Variants in PHF21A observed in about 807,000 individuals in gnomAD.
The protein encoded by PHF21A is PHD finger protein 21A, also known as BHC80a.
Under a neutral mutation model 82.5 loss-of-function variants are expected in PHF21A, and 11 were observed. That is an observed-to-expected ratio of 0.13 (90% confidence interval 0.08 to 0.22). PHF21A has a LOEUF of 0.22. Ranked by LOEUF, PHF21A falls within the 10% of genes least tolerant of loss-of-function variation. The pLI is 1.00. For synonymous variants in PHF21A, 297 were observed against 302.8 expected (o/e 0.98, Z 0.20); for missense variants, 579 against 837.8 (o/e 0.69, Z 3.81).
chr11:45,973,592 G>A (rs74893293), intron 7 of PHF21A, among the ~76,000 whole-genome samples: 234 of 152,238 alleles, frequency 1.5e-3, no homozygotes, highest in African/African-American at 5.3e-3. Flanking sequence ...ACCTATCTTC[G>A]ATCAGTGATG....
intron 6 of PHF21A, among the ~76,000 whole-genome samples, chr11:46,004,822 C>G (rs965884788): frequency 2.6e-5 from 4 of 151,980 alleles, no homozygotes; most frequent in Non-Finnish European, 4.4e-5. Context: ...CTGAAAATAC[C>G]ATCTCTCCCT....
intron 18 of PHF21A, chr11:45,934,901 T>C (rs148023680): frequency 2.7e-5 from 10 of 369,430 alleles, no homozygotes; most frequent in African/African-American, 1.7e-4. Context: ...CATGGGTAGG[T>C]ATGGTGAGGA....
chr11:45,955,615 TGG>T (rs1303121035), intron 10 of PHF21A, among the ~76,000 whole-genome samples: 1 of 152,230 alleles, frequency 6.6e-6, no homozygotes, highest in Non-Finnish European at 1.5e-5. Flanking sequence ...AAATTACCCA[TGG>T]TTCAAATTTC....
chr11:46,026,445 G>C (rs1023354994), intron 6 of PHF21A, among the ~76,000 whole-genome samples: 1 of 152,030 alleles, frequency 6.6e-6, no homozygotes, highest in African/African-American at 2.4e-5. Flanking sequence ...AGGTGTCAAG[G>C]TTATTTTTAT....
At chr11:46,032,718 C>T (rs2095892309) in intron 6 of PHF21A, among the ~76,000 whole-genome samples, 2 of 152,122 alleles carry the variant, frequency 1.3e-5, no homozygotes, top group African/African-American at 4.8e-5. Context: ...TACAAGTACA[C>T]AGACTTGATA....
At position 45,932,435 on chromosome 11, in the gene PHF21A, G is replaced by A. The variant is rs1243496061; in HGVS notation, c.*1533C>T. 1 of 152,222 alleles carries A rather than the reference G, an allele frequency of 6.6e-6. No homozygotes were observed. The highest frequency in any genetic ancestry group is 1.9e-4 in the East Asian group (1 of 5,192). The allele number at this position is 152,222 out of a possible 1,614,324, so 9.4% of individuals were successfully genotyped here. A position where few individuals can be genotyped will look rare whatever the true frequency, so the allele number is the denominator to read the frequency against. ...GAGAGCACGGTCTTTTCTGAGGAGA[G>A]AGAAGGGTGGGGAGCTCCGCCTCTG... On this transcript the variant is annotated 3_prime_UTR_variant, in exon 19 of 19. Transcript: ENST00000676320. The surrounding 1 kb of genome is among the most constrained non-coding windows in gnomAD (Gnocchi z 4.3).
intron 6 of PHF21A, among the ~76,000 whole-genome samples, chr11:46,044,516 G>C (rs1416063128): frequency 6.6e-6 from 1 of 151,250 alleles, no homozygotes; most frequent in African/African-American, 2.4e-5. Context: ...GTAACAACCT[G>C]TGTAACCTTC....
intron 18 of PHF21A, 86 bp downstream of exon 18, chr11:45,935,550 G>A (rs764398471): frequency 2.9e-5 from 23 of 799,980 alleles, no homozygotes; most frequent in Non-Finnish European, 4.9e-5. Flanking sequence ...AAACAGCCTG[G>A]GGCCCACACG....
intron 6 of PHF21A, among the ~76,000 whole-genome samples, chr11:46,011,117 G>C (rs1177668659): frequency 6.6e-6 from 1 of 152,132 alleles, no homozygotes; most frequent in Admixed American, 6.6e-5. Flanking sequence ...ACTAGATCGT[G>C]AACTCCTTGA....
At chr11:45,935,302 C>T (rs117278384) in intron 18 of PHF21A, 32,571 of 1,272,526 alleles carry the variant, frequency 0.026, 496 homozygotes, top group South Asian at 0.032. Context: ...TCAGGTGAGG[C>T]GCTACACTCC....
At chr11:45,996,751 A>G (rs1463606626) in intron 6 of PHF21A, among the ~76,000 whole-genome samples, 1 of 152,264 alleles carries the variant, frequency 6.6e-6, no homozygotes, top group East Asian at 1.9e-4. Flanking sequence ...AGCTATATTT[A>G]TAACTCTGCC....
chr11:46,108,898 C>G (rs1292445168), intron 1 of PHF21A, among the ~76,000 whole-genome samples: 1 of 152,178 alleles, frequency 6.6e-6, no homozygotes, highest in Admixed American at 6.5e-5. Context: ...CCCCATGCTA[C>G]GCACTATGCT....
intron 1 of PHF21A, among the ~76,000 whole-genome samples, chr11:46,110,580 C>G (rs2097200586): frequency 6.6e-6 from 1 of 152,116 alleles, no homozygotes; most frequent in Non-Finnish European, 1.5e-5. Context: ...CCATTAACAC[C>G]AGGGACTATT....
chr11:45,934,092 A>C lies in PHF21A; in HGVS notation c.1922T>G (p.Val641Gly). 3.1e-6 allele frequency: 5 copies of C among 1,614,106 alleles called. No homozygotes were observed. The highest frequency in any genetic ancestry group is 4.2e-6 in the Non-Finnish European group (5 of 1,179,992). Residue 641 changes from valine to glycine, a missense_variant, in exon 19 of 19, where the codon GTG (valine) becomes GGG (glycine). Physicochemically the swap from Val to Gly is moderately radical, Grantham distance 109. Around this residue, in one of 3 missense-constraint regions of PHF21A, gnomAD observed 157 missense variants for 149.4 expected, o/e 1.05. Coordinates refer to ENST00000676320, the MANE Select transcript of PHF21A (RefSeq NM_001352027.3). ...LSKPVDSEATVGAISNGPDCT... is the reference protein window; with the variant it reads ...LSKPVDSEATGGAISNGPDCT... ...GTCCGGGCCATTGGAGATGGCCCCC[A>C]CAGTGGCCTCAGAGTCTACAGGTTT...
chr11:46,088,783 A>C (rs1332920039), intron 3 of PHF21A, among the ~76,000 whole-genome samples: 1 of 152,214 alleles, frequency 6.6e-6, no homozygotes, highest in Non-Finnish European at 1.5e-5. Flanking sequence ...TCTACATAGT[A>C]TATATCTAGA....
At chr11:45,958,890 T>C (rs1012430580) in intron 10 of PHF21A, among the ~76,000 whole-genome samples, 2 of 152,036 alleles carry the variant, frequency 1.3e-5, no homozygotes, top group Non-Finnish European at 2.9e-5. Flanking sequence ...TACACTCCAG[T>C]CTGGGTAACA....
chr11:46,064,003 T>C (rs1592699816), intron 6 of PHF21A, among the ~76,000 whole-genome samples: 1 of 152,164 alleles, frequency 6.6e-6, no homozygotes, highest in East Asian at 1.9e-4. Flanking sequence ...GAAAAACAAA[T>C]TTCAAGTTCT....
intron 5 of PHF21A, among the ~76,000 whole-genome samples, chr11:46,078,343 T>A (rs1489833905): frequency 6.6e-6 from 1 of 152,240 alleles, no homozygotes; most frequent in Non-Finnish European, 1.5e-5. Flanking sequence ...AGCCTGTATG[T>A]ACTGTTTATC....
At chr11:46,103,033 C>T (rs1201949385) in intron 1 of PHF21A, among the ~76,000 whole-genome samples, 5 of 151,998 alleles carry the variant, frequency 3.3e-5, no homozygotes, top group East Asian at 3.9e-4. Flanking sequence ...GGGCAATCAC[C>T]GGCGGCATCT....
Sources: gnomAD v4.1 joint callset for allele counts (sites outside exome capture counted in the v4.1 genomes callset) on GRCh38, gnomAD v4.1.1 for gene constraint, gnomAD v4.1.1 regional missense constraint, Gnocchi (gnomAD v3.1) non-coding constraint, MANE v1.5 for transcripts, NCBI Gene and HGNC (gene_info 2026-07-23, HGNC 2026-07-21) for gene names.